The following PTPRD variants were observed in gnomAD, a reference collection of about 807,000 sequenced individuals.
PTPRD encodes the protein protein tyrosine phosphatase receptor type D, also known as receptor-type tyrosine-protein phosphatase delta.
Under a neutral mutation model 214.5 loss-of-function variants are expected in PTPRD, and 34 were observed. That is an observed-to-expected ratio of 0.16 (90% CI 0.12 to 0.21). The LOEUF is 0.21. Among genes scored for constraint, PTPRD ranks in the 10% least tolerant of loss-of-function variants. PTPRD has a pLI of 1.00. For synonymous variants in PTPRD, 1,128 were observed against 845.7 expected, an observed-to-expected ratio of 1.33 and a Z score of -5.79; for missense variants, 2,545 against 2,398.7, an observed-to-expected ratio of 1.06 and a Z score of -1.27.
chr9:9,292,570 G>A (rs1427847242), intron 9 of PTPRD, among the ~76,000 whole-genome samples: 1 of 151,286 alleles, frequency 6.6e-6, no homozygotes, highest in African/African-American at 2.4e-5. Flanking sequence ...CATTAGTATG[G>A]TGAATTTGTC....
intron 3 of PTPRD, among the ~76,000 whole-genome samples, chr9:10,251,248 A>C (rs1042741723): frequency 3.3e-5 from 5 of 152,156 alleles, no homozygotes; most frequent in African/African-American, 1.2e-4. Flanking sequence ...GAACATTATA[A>C]ATTAGCCTTC....
intron 3 of PTPRD, among the ~76,000 whole-genome samples, chr9:10,103,193 C>T (rs1266800506): frequency 2.0e-5 from 3 of 151,414 alleles, no homozygotes; most frequent in Non-Finnish European, 4.4e-5. Context: ...ACTTACACAG[C>T]ACTAATATCT....
At chr9:10,328,468 A>T (rs2096687255) in intron 3 of PTPRD, among the ~76,000 whole-genome samples, 2 of 151,676 alleles carry the variant, frequency 1.3e-5, no homozygotes, top group Non-Finnish European at 3.0e-5. Context: ...TAAAATGTGC[A>T]TTGCACACCC....
chr9:9,617,531 T>C (rs892708335), intron 7 of PTPRD, among the ~76,000 whole-genome samples: 1 of 152,188 alleles, frequency 6.6e-6, no homozygotes, highest in Non-Finnish European at 1.5e-5. Context: ...GTGTGAGTCC[T>C]GATGGCTGAG....
chr9:8,886,350 C>G (rs911847884), intron 11 of PTPRD, among the ~76,000 whole-genome samples: 1 of 152,108 alleles, frequency 6.6e-6, no homozygotes, highest in African/African-American at 2.4e-5. Context: ...TGTCTGTGCA[C>G]AGCATGGAGA....
At chr9:10,141,929 T>C (rs1346031127) in intron 3 of PTPRD, among the ~76,000 whole-genome samples, 2 of 151,956 alleles carry the variant, frequency 1.3e-5, no homozygotes, top group Non-Finnish European at 2.9e-5. Flanking sequence ...AACAGAGATA[T>C]AGATCAATGG....
chr9:9,252,921 A>G (rs2099976094), intron 9 of PTPRD, among the ~76,000 whole-genome samples: 1 of 152,134 alleles, frequency 6.6e-6, no homozygotes, highest in Non-Finnish European at 1.5e-5. Context: ...TTTTTAAAAG[A>G]AATTAACATA....
chr9:9,043,747 T>A (rs2099654493), intron 10 of PTPRD, among the ~76,000 whole-genome samples: 1 of 151,520 alleles, frequency 6.6e-6, no homozygotes. Flanking sequence ...CTACTAAGAA[T>A]TCAAAAATTA....
At chr9:9,856,093 G>C (rs1213572097) in intron 5 of PTPRD, among the ~76,000 whole-genome samples, 1 of 152,172 alleles carries the variant, frequency 6.6e-6, no homozygotes, top group African/African-American at 2.4e-5. Flanking sequence ...CTGAGAAAGG[G>C]ATAAGGTGGG....
chr9:8,858,832 C>CACACACACAT (rs2098026099), intron 11 of PTPRD, among the ~76,000 whole-genome samples: 1 of 139,476 alleles, frequency 7.2e-6, no homozygotes, highest in Admixed American at 7.1e-5. Context: ...CACACACATA[C>CACACACACAT]ACACACACAG....
At chr9:10,313,791 G>A (rs796155198) in intron 3 of PTPRD, among the ~76,000 whole-genome samples, 2 of 152,012 alleles carry the variant, frequency 1.3e-5, no homozygotes, top group African/African-American at 2.4e-5. Flanking sequence ...AACTAACACC[G>A]CCTGTTAGAG....
intron 36 of PTPRD, among the ~76,000 whole-genome samples, chr9:8,399,912 T>C (rs2092080079): frequency 1.3e-5 from 2 of 152,188 alleles, no homozygotes; most frequent in Non-Finnish European, 2.9e-5. Context: ...TTTTAAATGC[T>C]TCCATTTCCT....
At chr9:8,867,007 T>C (rs774557449) in intron 11 of PTPRD, among the ~76,000 whole-genome samples, 1 of 152,198 alleles carries the variant, frequency 6.6e-6, no homozygotes, top group Non-Finnish European at 1.5e-5. Context: ...TGCAAACTTA[T>C]GTTTAATCAC....
chr9:9,927,378 T>C (rs1440964448), intron 5 of PTPRD, among the ~76,000 whole-genome samples: 3 of 152,168 alleles, frequency 2.0e-5, no homozygotes, highest in Non-Finnish European at 4.4e-5. Context: ...CTAAGTGCCC[T>C]CTACATTCAA....
At chr9:9,613,255 CTT>C (rs1460918664) in intron 7 of PTPRD, among the ~76,000 whole-genome samples, 1 of 148,806 alleles carries the variant, frequency 6.7e-6, no homozygotes, top group African/African-American at 2.5e-5. Context: ...AATATTAAAA[CTT>C]TTCGATTACA....
intron 3 of PTPRD, among the ~76,000 whole-genome samples, chr9:10,257,113 C>G (rs1474012513): frequency 1.3e-5 from 2 of 152,124 alleles, no homozygotes; most frequent in African/African-American, 4.8e-5. Context: ...AGTTGAGTGG[C>G]TGGCATAATG....
chr9:10,068,965 C>A (rs1728584222), intron 3 of PTPRD, among the ~76,000 whole-genome samples: 1 of 152,002 alleles, frequency 6.6e-6, no homozygotes, highest in Non-Finnish European at 1.5e-5. Flanking sequence ...TCAGTTTATT[C>A]CCACCATATT....
intron 2 of PTPRD, among the ~76,000 whole-genome samples, chr9:10,524,367 G>C (rs1245813736): frequency 1.3e-5 from 2 of 151,980 alleles, no homozygotes; most frequent in African/African-American, 4.8e-5. Context: ...TGTACGATAA[G>C]TTTATTACTA....
chr9:9,168,482 A>G (rs568238244), intron 10 of PTPRD, among the ~76,000 whole-genome samples: 2 of 152,314 alleles, frequency 1.3e-5, no homozygotes, highest in African/African-American at 4.8e-5. Context: ...ACAATGGCAT[A>G]AAACTGAAAT....
Sources: allele counts gnomAD v4.1 joint callset (sites outside exome capture counted in the v4.1 genomes callset), GRCh38; gene constraint gnomAD v4.1.1; transcripts MANE v1.5; gene names NCBI Gene and HGNC (gene_info 2026-07-23, HGNC 2026-07-21).